VPS8: variants seen among roughly 807,000 people sequenced by gnomAD.
VPS8 encodes the protein VPS8 subunit of CORVET complex.
Under a neutral mutation model 216.4 loss-of-function variants are expected in VPS8, and 129 were observed. The ratio of observed to expected loss-of-function variants is 0.60; its 90% confidence interval spans 0.52 to 0.69. The LOEUF is 0.69. Ranked by LOEUF, VPS8 falls within the 30% of genes least tolerant of loss-of-function variation. VPS8 has a pLI of 0.00. For missense variants in VPS8, 1,531 were observed against 1,683.5 expected, an observed-to-expected ratio of 0.91 and a Z score of 1.59; for synonymous variants, 571 against 565.4, an observed-to-expected ratio of 1.01 and a Z score of -0.14.
At chr3:184,973,144 T>C (rs748313712) in intron 40 of VPS8, among the ~76,000 whole-genome samples, 2 of 152,224 alleles carry the variant, frequency 1.3e-5, no homozygotes, top group South Asian at 4.1e-4. Context: ...GTCTGTGAAA[T>C]GATACATACT....
chr3:185,000,300 G>T (rs977021821), intron 45 of VPS8, among the ~76,000 whole-genome samples: 1 of 152,182 alleles, frequency 6.6e-6, no homozygotes, highest in Non-Finnish European at 1.5e-5. Context: ...TTTGGAGTCT[G>T]ACTACTGGAC....
At chr3:184,874,597 G>A (rs1728916310) in intron 21 of VPS8, among the ~76,000 whole-genome samples, 1 of 151,962 alleles carries the variant, frequency 6.6e-6, no homozygotes, top group African/African-American at 2.4e-5. Context: ...TACTGGATTG[G>A]GAAGATCTAG....
chr3:184,961,011 A>G (rs577333251), intron 37 of VPS8, among the ~76,000 whole-genome samples: 1 of 152,236 alleles, frequency 6.6e-6, no homozygotes, highest in Non-Finnish European at 1.5e-5. Flanking sequence ...TCGATCAAGC[A>G]TGATAGGAAT....
At chr3:185,037,110 T>C (rs570922871) in intron 46 of VPS8, among the ~76,000 whole-genome samples, 17 of 151,958 alleles carry the variant, frequency 1.1e-4, no homozygotes, top group Non-Finnish European at 2.4e-4. Context: ...CCATAGTCAG[T>C]TGCTTTCATG....
Position 184,843,248 on chromosome 3 carries a change from A to G in VPS8, c.541+3A>G, listed in dbSNP as rs1360809376. 1.4e-6 allele frequency: 2 copies of G among 1,409,700 alleles called. No individual in the cohort carries two copies. The highest frequency in any genetic ancestry group is 1.9e-6 in the Non-Finnish European group (2 of 1,066,506). 87.3% of individuals were successfully genotyped at this position (1,409,700 alleles called of 1,614,324 possible). A position where few individuals can be genotyped will look rare whatever the true frequency, so the allele number is the denominator to read the frequency against. On this transcript the variant is annotated splice_donor_region_variant and intron_variant, in intron 8 of 47. Transcript: ENST00000625842. Reference sequence around the variant, plus strand: ...CTTCATGGATTCAAAAGGAAAAGGTATAGTAAGTAATTTTAGTTTGCATGA... The same window carrying G: ...CTTCATGGATTCAAAAGGAAAAGGTGTAGTAAGTAATTTTAGTTTGCATGA...
At chr3:184,836,282 A>G (rs1210108429) in intron 5 of VPS8, 1 of 456,610 alleles carries the variant, frequency 2.2e-6, no homozygotes, top group East Asian at 6.9e-5. Context: ...AATGGGAACC[A>G]CCTGTTGAGG....
rs746831621 is a variant in VPS8, at chr3:184,915,517, A to G, written c.2382+43A>G. 3.1e-6 allele frequency: 5 copies of G among 1,593,234 alleles called. No homozygotes were observed. The Admixed American group carries it at 8.6e-5, about 27-fold the overall frequency. ...TTTAAGGTGTTTTCAAAGAAGACAG[A>G]GCAATAATTTTTTGGCGGGGTGTGG... On this transcript the variant is annotated intron_variant, in intron 28 of 47. Coordinates refer to ENST00000625842, the MANE Select transcript of VPS8 (RefSeq NM_001009921.3).
intron 47 of VPS8, among the ~76,000 whole-genome samples, chr3:185,050,175 G>A (rs928436998): frequency 6.7e-6 from 1 of 148,290 alleles, no homozygotes; most frequent in Admixed American, 6.8e-5. Flanking sequence ...GTGTCAGGAT[G>A]TGAAAGCATT....
intron 45 of VPS8, among the ~76,000 whole-genome samples, chr3:185,012,058 G>GA (rs35941524): frequency 6.6e-6 from 1 of 151,690 alleles, no homozygotes; most frequent in South Asian, 2.1e-4. Context: ...TTTTAACACT[G>GA]AAAAAAATTA....
chr3:185,004,651 G>A (rs370366595), intron 45 of VPS8, among the ~76,000 whole-genome samples: 381 of 152,230 alleles, frequency 2.5e-3, no homozygotes, highest in South Asian at 0.015. Context: ...ACATTTGGCC[G>A]TTTGTATGTC....
intron 25 of VPS8, among the ~76,000 whole-genome samples, chr3:184,902,004 A>G (rs981752996): frequency 6.6e-6 from 1 of 151,790 alleles, no homozygotes; most frequent in African/African-American, 2.4e-5. Context: ...ATGGTATTTC[A>G]TTGTGATTTT....
intron 45 of VPS8, among the ~76,000 whole-genome samples, chr3:185,012,066 T>A (rs946051751): frequency 6.6e-6 from 1 of 151,754 alleles, no homozygotes; most frequent in African/African-American, 2.4e-5. Context: ...CTGAAAAAAA[T>A]TAGTAAATTT....
At chr3:184,842,186 CAAAAAAAA>C (rs71162267) in intron 7 of VPS8, among the ~76,000 whole-genome samples, 9 of 48,982 alleles carry the variant, frequency 1.8e-4, no homozygotes, top group East Asian at 2.1e-3. Context: ...GACTCCGTCT[CAAAAAAAA>C]AAAAAAAAAA....
intron 28 of VPS8, among the ~76,000 whole-genome samples, chr3:184,917,407 T>G (rs899162942): frequency 2.6e-5 from 4 of 152,152 alleles, no homozygotes; most frequent in Admixed American, 6.5e-5. Context: ...CTTCTTTTCT[T>G]CCTTCCTTCC....
At position 184,894,832 on chromosome 3, in the gene VPS8, AG is replaced by A. The variant is rs1301370346; in HGVS notation, c.1912del (p.Asp638ThrfsTer2). 1 of 1,610,762 alleles carries A rather than the reference AG, an allele frequency of 6.2e-7. No individual in the cohort carries two copies. Among genetic ancestry groups the A allele is most frequent in the Admixed American group, 1.7e-5 (1 of 59,642 alleles). ...LVGITPQVMK[D>X]LIVHFQDKKL... ...TGGGAATCACACCCCAAGTAATGAAAGACTTGATTGTTCATTTCCAAGATAA... is the reference window on the plus strand; with the variant it reads ...TGGGAATCACACCCCAAGTAATGAAAACTTGATTGTTCATTTCCAAGATAA... On this transcript the variant is annotated frameshift_variant, in exon 23 of 48. Transcript: ENST00000625842. LOFTEE classifies it high-confidence loss of function.
chr3:184,897,445 T>C (rs758778760), intron 23 of VPS8, among the ~76,000 whole-genome samples: 7 of 152,200 alleles, frequency 4.6e-5, no homozygotes, highest in Non-Finnish European at 8.8e-5. Flanking sequence ...GGTCTAAGTT[T>C]GAGAGACAAA....
At chr3:185,015,553 C>T (rs1166200705) in intron 45 of VPS8, among the ~76,000 whole-genome samples, 2 of 152,212 alleles carry the variant, frequency 1.3e-5, no homozygotes, top group African/African-American at 4.8e-5. Context: ...GAATAAGAAG[C>T]TTTACCATTA....
At chr3:184,822,456 AAAG>A (rs1249853221) in intron 1 of VPS8, among the ~76,000 whole-genome samples, 2 of 152,198 alleles carry the variant, frequency 1.3e-5, no homozygotes, top group African/African-American at 4.8e-5. Context: ...TATGAGATAA[AAAG>A]AGCTGGAAAA....
In VPS8 at chr3:184,957,532, C is replaced by CAATGTA; in HGVS notation, c.3183+14_3183+19dup. 6.2e-7 allele frequency: 1 copy of CAATGTA among 1,604,644 alleles called. No individual in the cohort carries two copies. Among genetic ancestry groups the CAATGTA allele is most frequent in the Non-Finnish European group, 8.5e-7 (1 of 1,175,824 alleles). On this transcript the variant is annotated intron_variant, in intron 37 of 47. Transcript: ENST00000625842. ...GAAGAAACTATTCAGGTGAGACGAA[C>CAATGTA]AATGTAAAAGAGACAAGAGTAAACT...
Sources: allele counts gnomAD v4.1 joint callset (sites outside exome capture counted in the v4.1 genomes callset), GRCh38; gene constraint gnomAD v4.1.1; transcripts MANE v1.5; gene names NCBI Gene and HGNC (gene_info 2026-07-23, HGNC 2026-07-21).